DMKN: variants seen among roughly 807,000 people sequenced by gnomAD.
DMKN encodes dermokine.
In DMKN, 58 loss-of-function variants were observed where a neutral mutation model predicts 67.6. That is an observed-to-expected ratio of 0.86 (90% CI 0.69 to 1.07). DMKN has a LOEUF of 1.07. DMKN is among the 50% of genes least tolerant of loss of function. The pLI, the probability that DMKN is intolerant of heterozygous loss-of-function variation, is 0.00. For synonymous variants in DMKN, 240 were observed against 232.3 expected, an observed-to-expected ratio of 1.03 and a Z score of -0.30; for missense variants, 596 against 601.5, an observed-to-expected ratio of 0.99 and a Z score of 0.10.
chr19:35,500,866 A>T (rs1484323725), intron 11 of DMKN, among the ~76,000 whole-genome samples: 1 of 152,202 alleles, frequency 6.6e-6, no homozygotes, highest in African/African-American at 2.4e-5. Context: ...AGCTGCAGCC[A>T]TGCAGGCTCC....
chr19:35,499,714 G>A (rs1220168344), intron 13 of DMKN, among the ~76,000 whole-genome samples: 1 of 152,170 alleles, frequency 6.6e-6, no homozygotes, highest in Non-Finnish European at 1.5e-5. Context: ...TGTTGCTGCT[G>A]CTGCTCCTTT....
In DMKN at chr19:35,513,458, G is replaced by A. The variant is rs780974493; in HGVS notation, c.18C>T (p.Pro6=). 4 of 1,598,708 alleles carry A rather than the reference G, an allele frequency of 2.5e-6. No individual in the cohort carries two copies. Among genetic ancestry groups the A allele is most frequent in the South Asian group, 2.2e-5 (2 of 90,960 alleles). Residue 6 remains proline (P), a synonymous_variant, in exon 1 of 16, where the codon CCC becomes CCT. Transcript: ENST00000339686. MKFQG[P]LACLLLALCL... ...AGAGGGCCAGCAGGAGGCAGGCCAG[G>A]GGCCCCTGGAACTTCATCTCTGCCC... is the stretch of plus-strand genomic sequence containing the variant.
Position 35,511,476 on chromosome 19 carries a change from TGCC to T in DMKN, c.850_852del (p.Gly284del), listed in dbSNP as rs765348484. 776 of 935,758 alleles carry T rather than the reference TGCC, an allele frequency of 8.3e-4. 7 individuals are homozygous for T. The African/African-American group carries it at 0.015, about 18-fold the overall frequency. The allele number at this position is 935,758 out of a possible 1,614,324, so 58.0% of individuals were successfully genotyped here. On this transcript the variant is annotated inframe_deletion, in exon 5 of 16. Coordinates refer to ENST00000339686, the MANE Select transcript of DMKN (RefSeq NM_033317.5). The stretch of plus-strand genomic sequence containing the variant: ...CTGTTGCCACTGCTGCCACCACTGC[TGCC>T]GCCACTGCTGCCGCCACTGCTGCTG...
rs778418778 is a variant in DMKN, at chr19:35,502,825, C to T, written c.1191+5G>A. The stretch of plus-strand genomic sequence containing the variant: ...CAGTTCTTCAAACAGCAAGAATTCT[C>T]CTACCTCCCAGAGTCGGCTGAAGTA... On this transcript the variant is annotated splice_donor_5th_base_variant and intron_variant, in intron 10 of 15. Transcript: ENST00000339686. The T allele has an allele frequency of 3.7e-6, 6 of 1,614,058 alleles. No homozygotes were observed. The highest frequency in any genetic ancestry group is 5.1e-6 in the Non-Finnish European group (6 of 1,180,004).
intron 9 of DMKN, chr19:35,503,185 C>G (rs1314374405): frequency 1.5e-6 from 2 of 1,373,486 alleles, no homozygotes; most frequent in Non-Finnish European, 1.9e-6. Flanking sequence ...CTCAGAGTGT[C>G]CCCTTTCCAC....
intron 9 of DMKN, among the ~76,000 whole-genome samples, chr19:35,505,192 C>G (rs1246099874): frequency 5.3e-5 from 8 of 152,060 alleles, no homozygotes; most frequent in South Asian, 2.1e-4. Context: ...ATCAAAGCAG[C>G]CTGGCCAGGG....
chr19:35,512,912 G>C (rs369498857), intron 1 of DMKN, 122 bp from the exon 2 acceptor site: 2 of 1,503,034 alleles, frequency 1.3e-6, no homozygotes, highest in African/African-American at 1.4e-5. Flanking sequence ...TGGCATAGGA[G>C]GGGGGCAGAA....
chr19:35,505,715 T>C lies in DMKN; in HGVS notation c.1134+3A>G. On this transcript the variant is annotated splice_donor_region_variant and intron_variant, in intron 9 of 15. Coordinates refer to ENST00000339686, the MANE Select transcript of DMKN (RefSeq NM_033317.5). ...CTCTCCGACGAAGATGTCCAGCCCTTACCTTGTTTATGGCATCCCAGTTGA... is the reference window on the plus strand; with the variant it reads ...CTCTCCGACGAAGATGTCCAGCCCTCACCTTGTTTATGGCATCCCAGTTGA... 2 of 1,614,202 alleles carry C rather than the reference T, an allele frequency of 1.2e-6. No individual in the cohort carries two copies. Among genetic ancestry groups the C allele is most frequent in the Non-Finnish European group, 1.7e-6 (2 of 1,180,032 alleles).
intron 6 of DMKN, 97 bp from the exon 7 acceptor site, chr19:35,510,058 C>T: frequency 6.3e-7 from 1 of 1,580,978 alleles, no homozygotes; most frequent in Non-Finnish European, 8.6e-7. Context: ...CGAGCCGCTT[C>T]CGCTCCACCT....
chr19:35,510,321 G>T (rs1034661913), intron 5 of DMKN, 69 bp from the exon 6 acceptor site: 1 of 1,554,752 alleles, frequency 6.4e-7, no homozygotes, highest in Non-Finnish European at 8.7e-7. Flanking sequence ...GTTCCCAGCG[G>T]TGTTACAGAT....
At chr19:35,504,595 CAAAA>C (rs1599906366) in intron 9 of DMKN, among the ~76,000 whole-genome samples, 1 of 129,822 alleles carries the variant, frequency 7.7e-6, no homozygotes, top group East Asian at 2.2e-4. Flanking sequence ...AAAAAAAAAA[CAAAA>C]GAAAGAAAGA....
rs774435982 is a variant in DMKN, at chr19:35,502,858, G to A, written c.1163C>T (p.Ala388Val). 2 of 1,614,066 alleles carry A rather than the reference G, an allele frequency of 1.2e-6. No individual in the cohort carries two copies. The highest frequency in any genetic ancestry group is 3.3e-5 in the Admixed American group (2 of 60,010). ...KNQVPPPSTRALLYFSRLWED... is the reference protein window; with the variant it reads ...KNQVPPPSTRVLLYFSRLWED... ...CCAGAGTCGGCTGAAGTAGAGGAGG[G>A]CTCGGGTGCTGGGGGGCGGGACCTG... The change falls in exon 10 of 16, where the codon GCC becomes GTC. Residue 388 changes from alanine (A) to valine (V), a missense_variant. Physicochemically the swap from Ala to Val is moderately conservative, Grantham distance 64. Coordinates refer to ENST00000339686, the MANE Select transcript of DMKN (RefSeq NM_033317.5).
chr19:35,499,549 G>A (rs1317078353), intron 13 of DMKN, among the ~76,000 whole-genome samples: 1 of 152,142 alleles, frequency 6.6e-6, no homozygotes, highest in Non-Finnish European at 1.5e-5. Flanking sequence ...CTAAGTGCTA[G>A]TCTGCTTTCC....
At position 35,502,190 on chromosome 19, in the gene DMKN, G is replaced by A. The variant is rs888765489; in HGVS notation, c.1192-7C>T. The A allele has an allele frequency of 1.9e-6, 3 of 1,614,124 alleles. No individual in the cohort carries two copies. Among genetic ancestry groups the A allele is most frequent in the Non-Finnish European group, 1.7e-6 (2 of 1,180,048 alleles). On this transcript the variant is annotated splice_polypyrimidine_tract_variant and splice_region_variant and intron_variant, in intron 10 of 15. Transcript: ENST00000339686. ...GAGTGTTCTGTTTGAAATCCTGCAGGGAGAAGGAGGGCAGAGTGGGCCGGG... is the reference window on the plus strand; with the variant it reads ...GAGTGTTCTGTTTGAAATCCTGCAGAGAGAAGGAGGGCAGAGTGGGCCGGG...
chr19:35,512,138 C>T (rs541892830), intron 3 of DMKN, among the ~76,000 whole-genome samples: 116 of 152,138 alleles, frequency 7.6e-4, no homozygotes, highest in African/African-American at 2.7e-3. Context: ...GCTGCAATTA[C>T]AGGCGCATGC....
At chr19:35,500,367 A>T (rs1202751531) in intron 12 of DMKN, 166 bp downstream of exon 12, 4 of 1,551,580 alleles carry the variant, frequency 2.6e-6, no homozygotes, top group Admixed American at 3.9e-5. Context: ...GGTCCATGGT[A>T]GATGTCTCAC....
At chr19:35,498,662 G>T in intron 15 of DMKN, 54 bp downstream of exon 15, 2 of 1,611,192 alleles carry the variant, frequency 1.2e-6, no homozygotes, top group South Asian at 2.2e-5. Flanking sequence ...TGCCCCGGGT[G>T]ACTGTGCCTC....
chr19:35,513,237 C>T lies in DMKN; in HGVS notation c.239G>A (p.Gly80Asp), dbSNP rs746816209. 6.2e-7 allele frequency: 1 copy of T among 1,614,234 alleles called. No homozygotes were observed. The highest frequency in any genetic ancestry group is 8.5e-7 in the Non-Finnish European group (1 of 1,180,034). The change falls in exon 1 of 16, where the codon GGC becomes GAC. Residue 80 changes from glycine (G) to aspartate (D), a missense_variant. Transcript: ENST00000339686. The part of the protein sequence containing the change: ...ALGQGTREAV[G>D]TGVRQVPGFG... The stretch of plus-strand genomic sequence containing the variant: ...GCCTGGAACCTGCCTGACTCCAGTG[C>T]CAACTGCTTCTCTGGTCCCTTGGCC...
At chr19:35,501,362 G>A (rs1362270431) in intron 11 of DMKN, among the ~76,000 whole-genome samples, 1 of 152,124 alleles carries the variant, frequency 6.6e-6, no homozygotes, top group Non-Finnish European at 1.5e-5. Context: ...TTTTTGCTTG[G>A]TCTACTTAAA....
Sources: gnomAD v4.1 joint callset for allele counts (sites outside exome capture counted in the v4.1 genomes callset) on GRCh38, gnomAD v4.1.1 for gene constraint, MANE v1.5 for transcripts, NCBI Gene and HGNC (gene_info 2026-07-23, HGNC 2026-07-21) for gene names.